PRIMPOL: variants seen among roughly 807,000 people sequenced by gnomAD.
PRIMPOL encodes primase and DNA directed polymerase.
PRIMPOL carries 54 observed loss-of-function variants against 63.6 expected under a neutral mutation model. The ratio of observed to expected loss-of-function variants is 0.85; its 90% CI spans 0.68 to 1.07. The LOEUF (loss-of-function observed/expected upper bound fraction) is 1.07, where lower values mean the gene tolerates loss of function less well. Among genes scored for constraint, PRIMPOL ranks in the 50% least tolerant of loss-of-function variants. The probability of loss-of-function intolerance (pLI) is 0.00; values close to 1 mark genes in which losing one functional copy is unlikely to be tolerated. For synonymous variants in PRIMPOL, 197 were observed against 220.2 expected, an observed-to-expected ratio of 0.89 and a Z score of 0.93; for missense variants, 610 against 648.3, an observed-to-expected ratio of 0.94 and a Z score of 0.64.
intron 7 of PRIMPOL, 118 bp from the exon 8 acceptor site, chr4:184,678,114 G>A (rs1754586265): frequency 1.7e-6 from 1 of 579,208 alleles, no homozygotes; most frequent in Non-Finnish European, 2.9e-6. Flanking sequence ...TTTGTTTACA[G>A]CTATATATAG....
chr4:184,667,297 A>G (rs1453765336), intron 6 of PRIMPOL, among the ~76,000 whole-genome samples: 1 of 147,278 alleles, frequency 6.8e-6, no homozygotes, highest in Non-Finnish European at 1.5e-5. Flanking sequence ...ACTTAGAGGC[A>G]TGGAGAACAG....
chr4:184,650,133 T>G (rs1296823530), intron 1 of PRIMPOL, among the ~76,000 whole-genome samples: 3 of 152,248 alleles, frequency 2.0e-5, no homozygotes, highest in African/African-American at 7.2e-5. Context: ...TTCTCAGCAC[T>G]TGCTGGTCAC....
intron 5 of PRIMPOL, among the ~76,000 whole-genome samples, chr4:184,664,128 C>T (rs1749149497): frequency 6.6e-6 from 1 of 152,166 alleles, no homozygotes. Flanking sequence ...ATTTAAGTAA[C>T]TTAAAGTTTT....
At chr4:184,691,388 T>C in intron 11 of PRIMPOL, 111 bp from the exon 12 acceptor site, 1 of 673,906 alleles carries the variant, frequency 1.5e-6, no homozygotes, top group Admixed American at 2.9e-5. Context: ...TACTTTTTAA[T>C]TTTTCTCCAT....
intron 6 of PRIMPOL, among the ~76,000 whole-genome samples, chr4:184,668,082 C>G (rs549089455): frequency 1.3e-5 from 2 of 152,304 alleles, no homozygotes; most frequent in East Asian, 3.9e-4. Context: ...GATGATCAGC[C>G]ACCATCATGG....
chr4:184,658,693 G>A lies in PRIMPOL; in HGVS notation c.181-647G>A, dbSNP rs185759760. On this transcript the variant is annotated intron_variant, in intron 3 of 13. Coordinates refer to ENST00000314970, the MANE Select transcript of PRIMPOL (RefSeq NM_152683.4). ...GGCTGAGGCAGGCAGATCACTTTGA[G>A]GTCAGGAGTTCGAGACCAGCCTGCC... Among the ~76,000 whole-genome samples the A allele has an allele frequency of 1.4e-3, 216 of 152,192 alleles. 1 individual carries two copies. The highest frequency in any genetic ancestry group is 5.0e-3 in the African/African-American group (209 of 41,504).
rs746199897 is a variant in PRIMPOL at position 184,694,765 on chromosome 4, G to A, written c.1669G>A (p.Val557Ile). 6.2e-7 allele frequency: 1 copy of A among 1,609,802 alleles called. No individual in the cohort carries two copies. The highest frequency in any genetic ancestry group is 1.1e-5 in the South Asian group (1 of 91,004). The change falls in exon 14 of 14, where the codon GTA (valine) becomes ATA (isoleucine). Residue 557 changes from valine to isoleucine, a missense_variant. Around this residue, in one of 3 missense-constraint regions of PRIMPOL, gnomAD observed 444 missense variants for 456.4 expected, o/e 0.97. Coordinates refer to ENST00000314970, the MANE Select transcript of PRIMPOL (RefSeq NM_152683.4). ...AATTCCTGATGAACTAATTATAGAA[G>A]TATTACAAGAGTAACTAATTCACTA... is the stretch of plus-strand genomic sequence containing the variant. ...DEIPDELIIE[V>I]LQE
intron 4 of PRIMPOL, among the ~76,000 whole-genome samples, chr4:184,659,876 A>G (rs1324456331): frequency 7.9e-5 from 12 of 152,138 alleles, no homozygotes; most frequent in Admixed American, 7.9e-4. Context: ...ACTGGTCTGC[A>G]GTGCCATGGT....
At chr4:184,666,748 G>A (rs1395970747) in intron 6 of PRIMPOL, among the ~76,000 whole-genome samples, 2 of 152,142 alleles carry the variant, frequency 1.3e-5, no homozygotes, top group South Asian at 2.1e-4. Context: ...TTGGGGCTTC[G>A]GTCCCAGGTC....
Position 184,678,259 on chromosome 4 carries a change from G to C in PRIMPOL, c.872G>C (p.Arg291Pro), listed in dbSNP as rs144996773. 11 of 1,586,370 alleles carry C rather than the reference G, an allele frequency of 6.9e-6. No individual in the cohort carries two copies. The highest frequency in any genetic ancestry group is 9.4e-6 in the Non-Finnish European group (11 of 1,170,430). The stretch of plus-strand genomic sequence containing the variant: ...GTTTATACAAGAAATAGAAACTTTC[G>C]GCTATATAAATCATCAAAAATTGGA... ...LGVYTRNRNF[R>P]LYKSSKIGKR... is the part of the protein sequence containing the mutation. The change falls in exon 8 of 14, where the codon CGG (arginine) becomes CCG (proline). Residue 291 changes from arginine (R) to proline (P), a missense_variant. Coordinates refer to ENST00000314970, the MANE Select transcript of PRIMPOL (RefSeq NM_152683.4).
At chr4:184,682,625 G>C (rs1430280944) in intron 9 of PRIMPOL, among the ~76,000 whole-genome samples, 2 of 152,092 alleles carry the variant, frequency 1.3e-5, no homozygotes, top group Non-Finnish European at 2.9e-5. Context: ...TGGGGTTACA[G>C]GTGCAAGCCA....
chr4:184,675,286 C>T (rs1561019004), intron 7 of PRIMPOL, among the ~76,000 whole-genome samples: 2 of 152,186 alleles, frequency 1.3e-5, no homozygotes, highest in East Asian at 3.8e-4. Context: ...GCATCATGTA[C>T]AGTCAGCAAG....
chr4:184,672,223 G>C lies in PRIMPOL; in HGVS notation c.607G>C (p.Glu203Gln), dbSNP rs1170708865. 1.2e-6 allele frequency: 2 copies of C among 1,613,676 alleles called. No homozygotes were observed. Among genetic ancestry groups the C allele is most frequent in the Non-Finnish European group, 1.7e-6 (2 of 1,179,938 alleles). Reference sequence around the variant, plus strand: ...GCCTGCTCTTGACTTGCTTGGCAGTGAAGATGATGATAGCGCTCCAGAGAC... The same window carrying C: ...GCCTGCTCTTGACTTGCTTGGCAGTCAAGATGATGATAGCGCTCCAGAGAC... ...LQPALDLLGS[E>Q]DDDSAPETTG... Residue 203 changes from glutamate to glutamine, a missense_variant, in exon 7 of 14, where the codon GAA becomes CAA. By Grantham distance (29) the Glu-to-Gln change is conservative (BLOSUM62 2). This residue lies in a region of PRIMPOL where 444 missense variants were observed against 456.4 expected (regional missense o/e 0.97). Transcript: ENST00000314970.
At chr4:184,668,389 A>G (rs1750660070) in intron 6 of PRIMPOL, among the ~76,000 whole-genome samples, 1 of 152,184 alleles carries the variant, frequency 6.6e-6, no homozygotes, top group Non-Finnish European at 1.5e-5. Context: ...TGATTCTGCC[A>G]CCTGTGTGCC....
At chr4:184,656,774 A>G (rs963634871) in intron 2 of PRIMPOL, among the ~76,000 whole-genome samples, 2 of 152,208 alleles carry the variant, frequency 1.3e-5, no homozygotes, top group Non-Finnish European at 2.9e-5. Context: ...GAGATTGCTT[A>G]TGTCTTACCA....
At chr4:184,676,011 G>A (rs896006486) in intron 7 of PRIMPOL, among the ~76,000 whole-genome samples, 1 of 152,110 alleles carries the variant, frequency 6.6e-6, no homozygotes, top group Non-Finnish European at 1.5e-5. Flanking sequence ...TGTGGTCAGT[G>A]TTTCTTGCAT....
intron 11 of PRIMPOL, among the ~76,000 whole-genome samples, chr4:184,689,280 T>G (rs769792711): frequency 1.3e-5 from 2 of 152,062 alleles, no homozygotes; most frequent in Non-Finnish European, 2.9e-5. Flanking sequence ...CAGGTTGGCC[T>G]TGAACTCCAG....
chr4:184,661,010 AT>A (rs1387958145), intron 4 of PRIMPOL, among the ~76,000 whole-genome samples: 1 of 152,212 alleles, frequency 6.6e-6, no homozygotes, highest in East Asian at 1.9e-4. Context: ...GTGATTCAGA[AT>A]TTTTTAAGCA....
intron 5 of PRIMPOL, among the ~76,000 whole-genome samples, chr4:184,664,123 A>G (rs1281034163): frequency 1.3e-5 from 2 of 152,232 alleles, no homozygotes; most frequent in African/African-American, 4.8e-5. Flanking sequence ...TAATTATTTA[A>G]GTAACTTAAA....
Sources: allele counts gnomAD v4.1 joint callset (sites outside exome capture counted in the v4.1 genomes callset), GRCh38; gene constraint gnomAD v4.1.1; regional missense constraint gnomAD v4.1.1; transcripts MANE v1.5; gene names NCBI Gene and HGNC (gene_info 2026-07-23, HGNC 2026-07-21).